PTPRM: variants seen among roughly 807,000 people sequenced by gnomAD.
PTPRM encodes the protein protein tyrosine phosphatase receptor type M, also known as receptor-type tyrosine-protein phosphatase mu.
A neutral mutation model predicts 186.7 loss-of-function variants in PTPRM; 47 were observed. The observed-to-expected ratio is 0.25, with a 90% CI of 0.20 to 0.32. The LOEUF is 0.32. PTPRM is among the 10% of genes least tolerant of loss of function. The pLI, the probability that PTPRM is intolerant of heterozygous loss-of-function variation, is 1.00. For missense variants in PTPRM, 1,494 were observed against 1,865.0 expected, an observed-to-expected ratio of 0.80 and a Z score of 3.66; for synonymous variants, 668 against 674.9, an observed-to-expected ratio of 0.99 and a Z score of 0.16.
chr18:7,988,590 C>G lies in PTPRM; in HGVS notation c.1132+33176C>G, dbSNP rs150433025. 2.0e-4 allele frequency among the ~76,000 whole-genome samples: 30 copies of G among 152,258 alleles called. No individual in the cohort carries two copies. The East Asian group carries it at 5.8e-3, about 29-fold the overall frequency. On this transcript the variant is annotated intron_variant, in intron 7 of 32. Coordinates refer to ENST00000580170, the MANE Select transcript of PTPRM (RefSeq NM_001105244.2). ...CTCCTCCCCTCCACCTAGTCCCAGA[C>G]AACTTTTATTCTATTTTCTTTCTCT...
chr18:8,049,645 A>G (rs2087322278), intron 7 of PTPRM, among the ~76,000 whole-genome samples: 1 of 149,648 alleles, frequency 6.7e-6, no homozygotes. Context: ...ACATAGAGAA[A>G]CATAATAAAC....
At chr18:7,814,892 A>G (rs1244087512) in intron 2 of PTPRM, 2 of 152,294 alleles carry the variant, frequency 1.3e-5, no homozygotes, top group East Asian at 3.9e-4. Context: ...TCTTTTAAAT[A>G]AGTACAGAAA....
intron 29 of PTPRM, among the ~76,000 whole-genome samples, chr18:8,380,948 G>T (rs2095730895): frequency 6.6e-6 from 1 of 152,148 alleles, no homozygotes; most frequent in Non-Finnish European, 1.5e-5. Flanking sequence ...CAGTGTCGGG[G>T]TGACAGCAGA....
chr18:7,640,055 C>G (rs1209988962), intron 1 of PTPRM, among the ~76,000 whole-genome samples: 1 of 152,004 alleles, frequency 6.6e-6, no homozygotes, highest in Non-Finnish European at 1.5e-5. Context: ...TGGAGATGGT[C>G]TGTAATCAAA....
At chr18:7,770,399 T>C (rs150102960) in intron 1 of PTPRM, among the ~76,000 whole-genome samples, 61 of 152,348 alleles carry the variant, frequency 4.0e-4, no homozygotes, top group African/African-American at 1.3e-3. Flanking sequence ...TTTTCAATTA[T>C]ATATTCCAAC....
intron 1 of PTPRM, among the ~76,000 whole-genome samples, chr18:7,671,817 A>G (rs1289582697): frequency 6.6e-6 from 1 of 152,252 alleles, no homozygotes; most frequent in Non-Finnish European, 1.5e-5. Flanking sequence ...TTTGAATTGT[A>G]TCATATATGG....
At chr18:8,259,939 G>A (rs2094611462) in intron 19 of PTPRM, among the ~76,000 whole-genome samples, 2 of 152,088 alleles carry the variant, frequency 1.3e-5, no homozygotes, top group South Asian at 4.1e-4. Context: ...ACCCTCTCTG[G>A]CCCCAGATCT....
At chr18:8,389,200 G>A (rs540407682) in intron 31 of PTPRM, among the ~76,000 whole-genome samples, 2 of 152,302 alleles carry the variant, frequency 1.3e-5, no homozygotes, top group South Asian at 4.1e-4. Context: ...TGCATCTGGA[G>A]ACCCCCAGCG....
chr18:8,186,361 T>G (rs796209926), intron 14 of PTPRM, among the ~76,000 whole-genome samples: 26 of 152,086 alleles, frequency 1.7e-4, no homozygotes, highest in African/African-American at 6.0e-4. Flanking sequence ...AAAAGTATTT[T>G]GTTTCTTTGT....
At chr18:7,865,655 T>G (rs1361402730) in intron 2 of PTPRM, among the ~76,000 whole-genome samples, 2 of 152,152 alleles carry the variant, frequency 1.3e-5, no homozygotes, top group Non-Finnish European at 2.9e-5. Context: ...TCTTTTTTTG[T>G]TGTGTCTCTG....
chr18:8,295,656 G>T (rs913268671), intron 19 of PTPRM, among the ~76,000 whole-genome samples: 2 of 151,990 alleles, frequency 1.3e-5, no homozygotes, highest in African/African-American at 4.8e-5. Context: ...TCCTCACATA[G>T]TTGACCACAT....
intron 7 of PTPRM, among the ~76,000 whole-genome samples, chr18:7,960,364 T>C (rs960349595): frequency 2.6e-5 from 4 of 151,530 alleles, no homozygotes; most frequent in African/African-American, 9.7e-5. Context: ...CGGGCACTAT[T>C]CCAAGCCCTG....
intron 22 of PTPRM, among the ~76,000 whole-genome samples, chr18:8,332,654 A>AC (rs2095418095): frequency 1.3e-5 from 2 of 152,172 alleles, no homozygotes; most frequent in Non-Finnish European, 2.9e-5. Context: ...AGAAGAGTAC[A>AC]CACCTGCAAG....
intron 19 of PTPRM, among the ~76,000 whole-genome samples, chr18:8,259,625 T>A (rs1294136116): frequency 6.6e-6 from 1 of 152,128 alleles, no homozygotes; most frequent in Non-Finnish European, 1.5e-5. Flanking sequence ...ATTATTAAAA[T>A]GTCTCACCTG....
At chr18:8,271,251 C>T (rs1284457529) in intron 19 of PTPRM, among the ~76,000 whole-genome samples, 1 of 151,640 alleles carries the variant, frequency 6.6e-6, no homozygotes, top group Non-Finnish European at 1.5e-5. Context: ...TTTTGAGATA[C>T]AAAATAATTA....
At chr18:8,133,979 T>C (rs1422649067) in intron 13 of PTPRM, among the ~76,000 whole-genome samples, 3 of 152,168 alleles carry the variant, frequency 2.0e-5, no homozygotes, top group African/African-American at 7.2e-5. Flanking sequence ...TGTAGCATTT[T>C]TAGACTTGTT....
chr18:8,289,520 A>G (rs1483764834), intron 19 of PTPRM, among the ~76,000 whole-genome samples: 1 of 77,818 alleles, frequency 1.3e-5, no homozygotes, highest in African/African-American at 4.9e-5. Context: ...GTATGTATAT[A>G]TATACATATA....
chr18:7,826,807 C>T (rs891848396), intron 2 of PTPRM, among the ~76,000 whole-genome samples: 5 of 152,130 alleles, frequency 3.3e-5, no homozygotes, highest in African/African-American at 1.2e-4. Flanking sequence ...TAAAAACTTA[C>T]TGTGGGCTAG....
At chr18:7,707,822 C>T (rs1354203664) in intron 1 of PTPRM, among the ~76,000 whole-genome samples, 1 of 152,142 alleles carries the variant, frequency 6.6e-6, no homozygotes, top group Non-Finnish European at 1.5e-5. Flanking sequence ...GAAAAACACT[C>T]AGCCTCCTTG....
Sources: allele counts gnomAD v4.1 joint callset (sites outside exome capture counted in the v4.1 genomes callset), GRCh38; gene constraint gnomAD v4.1.1; transcripts MANE v1.5; gene names NCBI Gene and HGNC (gene_info 2026-07-23, HGNC 2026-07-21).